DENND4C: variants seen among roughly 807,000 people sequenced by gnomAD.
The protein encoded by DENND4C is DENN domain containing 4C.
Under a neutral mutation model 203.0 loss-of-function variants are expected in DENND4C, and 108 were observed. The observed-to-expected ratio is 0.53, with a 90% CI of 0.46 to 0.62. The LOEUF (loss-of-function observed/expected upper bound fraction) is 0.62, where lower values mean the gene tolerates loss of function less well. Among genes scored for constraint, DENND4C ranks in the 20% least tolerant of loss-of-function variants. DENND4C has a pLI of 0.00. For synonymous variants in DENND4C, 871 were observed against 792.4 expected (o/e 1.10, Z -1.67); for missense variants, 2,481 against 2,301.2 (o/e 1.08, Z -1.60).
chr9:19,242,192 C>G (rs375653399), intron 1 of DENND4C, among the ~76,000 whole-genome samples: 166 of 152,262 alleles, frequency 1.1e-3, no homozygotes, highest in African/African-American at 3.9e-3. Context: ...CCTTTCTGGA[C>G]TAGCTTCTTT....
At chr9:19,319,421 C>T (rs1426964110) in intron 12 of DENND4C, among the ~76,000 whole-genome samples, 3 of 139,090 alleles carry the variant, frequency 2.2e-5, no homozygotes, top group African/African-American at 8.0e-5. Flanking sequence ...TATATATATA[C>T]ATATATATAT....
chr9:19,233,630 G>A (rs1042930585), intron 1 of DENND4C, among the ~76,000 whole-genome samples: 9 of 137,756 alleles, frequency 6.5e-5, no homozygotes, highest in South Asian at 2.3e-4. Flanking sequence ...GTGTGATCTC[G>A]GCTCACTGCA....
intron 22 of DENND4C, among the ~76,000 whole-genome samples, chr9:19,343,915 A>G (rs535538035): frequency 6.6e-6 from 1 of 152,356 alleles, no homozygotes; most frequent in Admixed American, 6.5e-5. Flanking sequence ...AATTCCTTGG[A>G]AATACTATGA....
At chr9:19,307,285 C>T (rs921960457) in intron 10 of DENND4C, among the ~76,000 whole-genome samples, 5 of 149,978 alleles carry the variant, frequency 3.3e-5, no homozygotes, top group African/African-American at 1.2e-4. Flanking sequence ...GTCCCAGCTA[C>T]ACAGGCAGCT....
chr9:19,370,019 C>G (rs748402362), intron 31 of DENND4C, 32 bp downstream of exon 31: 13 of 1,610,134 alleles, frequency 8.1e-6, no homozygotes, highest in Non-Finnish European at 1.1e-5. Flanking sequence ...CTTGCCACCA[C>G]TCAGTCATTT....
At chr9:19,372,013 T>A (rs1563852253) in intron 32 of DENND4C, 24 bp from the exon 33 acceptor site, 1 of 1,600,058 alleles carries the variant, frequency 6.2e-7, no homozygotes, top group Non-Finnish European at 8.5e-7. Context: ...AAATTACAAC[T>A]TCATTTTTGA....
At position 19,366,627 on chromosome 9, in the gene DENND4C, C is replaced by T. The variant is rs148524466; in HGVS notation, c.5525-3210C>T. On this transcript the variant is annotated intron_variant, in intron 30 of 32. Transcript: ENST00000434457. ...AAAAAAAAGAATAGTCTTTTCAACA[C>T]GTGCTGGGACAACAGGCTAGCAATA... 2.8e-4 allele frequency among the ~76,000 whole-genome samples: 43 copies of T among 152,208 alleles called. No homozygotes were observed. In the East Asian group the frequency reaches 3.9e-3, roughly 14 times the overall value.
chr9:19,268,511 G>T (rs1830976576), intron 1 of DENND4C, among the ~76,000 whole-genome samples: 1 of 152,126 alleles, frequency 6.6e-6, no homozygotes, highest in African/African-American at 2.4e-5. Flanking sequence ...CTATGTATTT[G>T]CTATTACCAG....
At chr9:19,237,331 A>G (rs1383525357) in intron 1 of DENND4C, among the ~76,000 whole-genome samples, 1 of 147,886 alleles carries the variant, frequency 6.8e-6, no homozygotes, top group Non-Finnish European at 1.5e-5. Flanking sequence ...CAGCTTTTAG[A>G]TTCAGGATTT....
At chr9:19,326,298 A>G (rs571389894) in intron 15 of DENND4C, 104 bp downstream of exon 15, 40 of 1,252,834 alleles carry the variant, frequency 3.2e-5, no homozygotes, top group Non-Finnish European at 4.2e-5. Context: ...CATTTTCAGT[A>G]TTAGTTCAGT....
At chr9:19,271,787 C>T (rs1401309051) in intron 1 of DENND4C, among the ~76,000 whole-genome samples, 2 of 151,404 alleles carry the variant, frequency 1.3e-5, no homozygotes, top group African/African-American at 2.4e-5. Flanking sequence ...ATCGCTTGAA[C>T]CTGGGAGGCG....
chr9:19,346,880 C>T lies in DENND4C; in HGVS notation c.4111C>T (p.Arg1371Cys), dbSNP rs981244698. Residue 1371 changes from arginine to cysteine, a missense_variant, in exon 23 of 33, where the codon CGT becomes TGT. By Grantham distance (180) the Arg-to-Cys change is radical. This residue lies in a region of DENND4C where 2,289 missense variants were observed against 2,113.3 expected (regional missense o/e 1.08). Transcript: ENST00000434457. ...QQTPSRTHKERSTSLSALVRS... is the reference protein window; with the variant it reads ...QQTPSRTHKECSTSLSALVRS... ...AACCCCCTCTCGAACTCATAAAGAA[C>T]GTTCAACTTCTTTGTCAGCACTGGT... 2 of 1,614,208 alleles carry T rather than the reference C, an allele frequency of 1.2e-6. No individual in the cohort carries two copies. Among genetic ancestry groups the T allele is most frequent in the East Asian group, 2.2e-5 (1 of 44,886 alleles).
chr9:19,260,647 T>G (rs1829129970), intron 1 of DENND4C, among the ~76,000 whole-genome samples: 2 of 152,176 alleles, frequency 1.3e-5, no homozygotes, highest in Admixed American at 6.5e-5. Flanking sequence ...TCCACCCGCC[T>G]TGGTCTCCCA....
chr9:19,260,496 C>G (rs1196776634), intron 1 of DENND4C, among the ~76,000 whole-genome samples: 1 of 152,042 alleles, frequency 6.6e-6, no homozygotes, highest in Non-Finnish European at 1.5e-5. Flanking sequence ...CTCCTGGGTT[C>G]AAGCAGTTCT....
intron 17 of DENND4C, among the ~76,000 whole-genome samples, chr9:19,333,668 C>T (rs1250840157): frequency 6.6e-6 from 1 of 152,164 alleles, no homozygotes; most frequent in Non-Finnish European, 1.5e-5. Flanking sequence ...GAATGATATA[C>T]TAGACATTTT....
chr9:19,298,156 T>G lies in DENND4C; in HGVS notation c.1107+34T>G, dbSNP rs776825171. 15 of 1,575,220 alleles carry G rather than the reference T, an allele frequency of 9.5e-6. No homozygotes were observed. The South Asian group carries it at 1.6e-4, about 17-fold the overall frequency. On this transcript the variant is annotated intron_variant, in intron 7 of 32. Transcript: ENST00000434457. ...AAGAGAGTATATTTGGGGAGAACTTTGCATATGCTCACCTGAGTCATTGCA... is the reference window on the plus strand; with the variant it reads ...AAGAGAGTATATTTGGGGAGAACTTGGCATATGCTCACCTGAGTCATTGCA...
chr9:19,267,227 C>T lies in DENND4C; in HGVS notation c.-17-8931C>T, dbSNP rs994450954. On this transcript the variant is annotated intron_variant, in intron 1 of 32. Transcript: ENST00000434457. ...GGGATGTTGAAGTTTCCAGCAATTA[C>T]TGTGTTGGAGTCCATCTCTCTTTAG... Among the ~76,000 whole-genome samples, 22 of 152,290 alleles carry T rather than the reference C, an allele frequency of 1.4e-4. 2 individuals are homozygous for T. The highest frequency in any genetic ancestry group is 4.6e-4 in the Admixed American group (7 of 15,296).
At chr9:19,324,241 A>G (rs2131667840) in intron 12 of DENND4C, 121 bp from the exon 13 acceptor site, 1 of 581,548 alleles carries the variant, frequency 1.7e-6, no homozygotes. Flanking sequence ...TTCTTTTTAA[A>G]TATGGATATA....
At chr9:19,250,349 C>T (rs1826249486) in intron 1 of DENND4C, among the ~76,000 whole-genome samples, 1 of 152,116 alleles carries the variant, frequency 6.6e-6, no homozygotes, top group African/African-American at 2.4e-5. Flanking sequence ...GAGGCTGAGA[C>T]AGGAGAATTG....
Sources: gnomAD v4.1 joint callset for allele counts (sites outside exome capture counted in the v4.1 genomes callset) on GRCh38, gnomAD v4.1.1 for gene constraint, gnomAD v4.1.1 regional missense constraint, MANE v1.5 for transcripts, NCBI Gene and HGNC (gene_info 2026-07-23, HGNC 2026-07-21) for gene names.